The following KPNA4 variants were observed in gnomAD, a reference collection of about 807,000 sequenced individuals.
The protein encoded by KPNA4 is karyopherin subunit alpha 4.
KPNA4 carries 13 observed loss-of-function variants against 71.3 expected under a neutral mutation model. The observed-to-expected ratio is 0.18, with a 90% confidence interval of 0.12 to 0.29. The LOEUF is 0.29. Among genes scored for constraint, KPNA4 ranks in the 10% least tolerant of loss-of-function variants. The pLI, the probability that KPNA4 is intolerant of heterozygous loss-of-function variation, is 1.00. For synonymous variants in KPNA4, 189 were observed against 195.2 expected, an observed-to-expected ratio of 0.97 and a Z score of 0.26; for missense variants, 334 against 603.2, an observed-to-expected ratio of 0.55 and a Z score of 4.67.
chr3:160,557,492 T>G (rs566536439), intron 1 of KPNA4, among the ~76,000 whole-genome samples: 1 of 152,326 alleles, frequency 6.6e-6, no homozygotes. Context: ...ACATACTATC[T>G]TAGGATTCCG....
chr3:160,536,153 A>G (rs1721689261), intron 2 of KPNA4, among the ~76,000 whole-genome samples: 1 of 152,070 alleles, frequency 6.6e-6, no homozygotes, highest in Non-Finnish European at 1.5e-5. Context: ...AAACAAAACA[A>G]AACAAAAACA....
chr3:160,523,615 C>G (rs1721401800), intron 10 of KPNA4, among the ~76,000 whole-genome samples: 1 of 151,986 alleles, frequency 6.6e-6, no homozygotes, highest in Admixed American at 6.6e-5. Context: ...TTTGGGGGGC[C>G]AAGGTGGGTG....
chr3:160,551,158 TA>T (rs1238292098), intron 1 of KPNA4, among the ~76,000 whole-genome samples: 1 of 152,206 alleles, frequency 6.6e-6, no homozygotes, highest in African/African-American at 2.4e-5. Context: ...CCTTACTACT[TA>T]TAGGTCTAGT....
intron 1 of KPNA4, among the ~76,000 whole-genome samples, chr3:160,544,385 T>C (rs770757683): frequency 6.6e-6 from 1 of 152,160 alleles, no homozygotes; most frequent in Non-Finnish European, 1.5e-5. Flanking sequence ...GGACAACCTA[T>C]AAATAAATCT....
At position 160,505,206 on chromosome 3, in the gene KPNA4, A is replaced by C. The variant is rs1038147696; in HGVS notation, c.1373-154T>G. Among the ~76,000 whole-genome samples the C allele has an allele frequency of 2.0e-5, 3 of 152,192 alleles. No individual in the cohort carries two copies. In the South Asian group the frequency reaches 6.2e-4, roughly 32 times the overall value. Reference sequence around the variant, plus strand: ...AAAGGTGAATCTTAAATATAAAAAAATTTTATGCACAAAGATACAGCATAT... The same window carrying C: ...AAAGGTGAATCTTAAATATAAAAAACTTTTATGCACAAAGATACAGCATAT... On this transcript the variant is annotated intron_variant, in intron 15 of 16. Coordinates refer to ENST00000334256, the MANE Select transcript of KPNA4 (RefSeq NM_002268.5).
At chr3:160,551,167 A>G (rs776241422) in intron 1 of KPNA4, among the ~76,000 whole-genome samples, 8 of 152,156 alleles carry the variant, frequency 5.3e-5, no homozygotes, top group Non-Finnish European at 1.2e-4. Context: ...TTATAGGTCT[A>G]GTCAGATTTA....
chr3:160,561,806 A>G (rs1483121721), intron 1 of KPNA4, among the ~76,000 whole-genome samples: 1 of 152,076 alleles, frequency 6.6e-6, no homozygotes, highest in Non-Finnish European at 1.5e-5. Context: ...TAAGGGAGTA[A>G]GAGAATCAAT....
At chr3:160,549,339 T>C (rs1297919938) in intron 1 of KPNA4, among the ~76,000 whole-genome samples, 1 of 152,212 alleles carries the variant, frequency 6.6e-6, no homozygotes, top group African/African-American at 2.4e-5. Flanking sequence ...TTAAGTGTCT[T>C]ATCCAAGAAA....
chr3:160,520,502 C>G (rs535238391), intron 11 of KPNA4, among the ~76,000 whole-genome samples: 2 of 151,118 alleles, frequency 1.3e-5, no homozygotes, highest in South Asian at 4.2e-4. Flanking sequence ...ACCTTGTGAT[C>G]TGCCCACCTC....
rs1190139452 is a variant in KPNA4, at chr3:160,535,910, A to AAC, written c.115-14_115-13insGT. Reference sequence around the variant, plus strand: ...CATCTCTTTTATTCTTAAAAAAAAAAAAAAAAAAAAAAAAACCAAACAGAG... The same window carrying AAC: ...CATCTCTTTTATTCTTAAAAAAAAAAACAAAAAAAAAAAAAAACCAAACAGAG... On this transcript the variant is annotated splice_polypyrimidine_tract_variant and intron_variant, in intron 2 of 16. Transcript: ENST00000334256. 3.7e-6 allele frequency: 4 copies of AAC among 1,090,512 alleles called. No individual in the cohort carries two copies. The highest frequency in any genetic ancestry group is 3.8e-5 in the South Asian group (1 of 26,414). The allele number at this position is 1,090,512 out of a possible 1,614,324, so 67.6% of individuals were successfully genotyped here. A position where few individuals can be genotyped will look rare whatever the true frequency, so the allele number is the denominator to read the frequency against.
At chr3:160,564,167 C>T (rs1722294993) in intron 1 of KPNA4, 1 of 152,066 alleles carries the variant, frequency 6.6e-6, no homozygotes, top group Non-Finnish European at 1.5e-5. Context: ...GGGAAGAAGT[C>T]TTCTATCAAA....
intron 10 of KPNA4, among the ~76,000 whole-genome samples, chr3:160,523,043 G>T (rs1721386587): frequency 6.6e-6 from 1 of 152,186 alleles, no homozygotes; most frequent in Admixed American, 6.5e-5. Flanking sequence ...ACAAACAACT[G>T]TAACTGCTGC....
chr3:160,509,121 A>G (rs1721043004), intron 14 of KPNA4, among the ~76,000 whole-genome samples: 1 of 152,036 alleles, frequency 6.6e-6, no homozygotes, highest in Admixed American at 6.6e-5. Context: ...CCTCTTTAAA[A>G]CTGTTTTTCC....
Position 160,514,064 on chromosome 3 carries a change from A to G in KPNA4, c.1137+13T>C. The G allele has an allele frequency of 6.9e-7, 1 of 1,458,858 alleles. No homozygotes were observed. The highest frequency in any genetic ancestry group is 9.3e-7 in the Non-Finnish European group (1 of 1,074,846). The allele number at this position is 1,458,858 out of a possible 1,614,324, so 90.4% of individuals were successfully genotyped here. A position where few individuals can be genotyped will look rare whatever the true frequency, so the allele number is the denominator to read the frequency against. ...ACATCAGATAAATGATACATATAAC[A>G]TGATTTTCTTACCTTATCCAAAAGG... On this transcript the variant is annotated intron_variant, in intron 13 of 16. Coordinates refer to ENST00000334256, the MANE Select transcript of KPNA4 (RefSeq NM_002268.5).
At chr3:160,516,131 C>T (rs971093545) in intron 11 of KPNA4, among the ~76,000 whole-genome samples, 2 of 151,908 alleles carry the variant, frequency 1.3e-5, no homozygotes, top group Non-Finnish European at 2.9e-5. Context: ...GGATTACAGG[C>T]GCGTGCCACC....
intron 11 of KPNA4, 104 bp downstream of exon 11, chr3:160,521,675 G>T: frequency 1.0e-6 from 1 of 1,004,792 alleles, no homozygotes; most frequent in Non-Finnish European, 1.5e-6. Flanking sequence ...TTGTTGTTAT[G>T]CTAAGAATAT....
rs184986204 is a variant in KPNA4, at chr3:160,530,528, T to C, written c.469+327A>G. On this transcript the variant is annotated intron_variant, in intron 7 of 16. Coordinates refer to ENST00000334256, the MANE Select transcript of KPNA4 (RefSeq NM_002268.5). ...AAAACAAAAACAAAAAAAGAGAGGCTGAGAGGCAATGTGGCAACAGGAAAA... is the reference window on the plus strand; with the variant it reads ...AAAACAAAAACAAAAAAAGAGAGGCCGAGAGGCAATGTGGCAACAGGAAAA... Among the ~76,000 whole-genome samples the C allele has an allele frequency of 6.1e-4, 93 of 152,098 alleles. 1 individual carries two copies. The highest frequency in any genetic ancestry group is 1.6e-3 in the Admixed American group (25 of 15,280).
intron 1 of KPNA4, among the ~76,000 whole-genome samples, chr3:160,540,017 T>C (rs1435189641): frequency 7.8e-6 from 1 of 128,890 alleles, no homozygotes; most frequent in Non-Finnish European, 1.7e-5. Context: ...TTTTTTTTGG[T>C]GAGACGGAGT....
At chr3:160,506,683 G>T (rs995075538) in intron 15 of KPNA4, among the ~76,000 whole-genome samples, 1 of 152,126 alleles carries the variant, frequency 6.6e-6, no homozygotes, top group East Asian at 1.9e-4. Context: ...AATGTATAAA[G>T]ATATTTTAGT....
Sources: allele counts gnomAD v4.1 joint callset (sites outside exome capture counted in the v4.1 genomes callset), GRCh38; gene constraint gnomAD v4.1.1; transcripts MANE v1.5; gene names NCBI Gene and HGNC (gene_info 2026-07-23, HGNC 2026-07-21).